Variants in MINK1 observed in about 807,000 individuals in gnomAD.
MINK1 encodes the protein misshapen like kinase 1.
MINK1 carries 46 observed loss-of-function variants against 178.4 expected under a neutral mutation model. The observed-to-expected ratio is 0.26, with a 90% CI of 0.20 to 0.33. The LOEUF is 0.33. Among genes scored for constraint, MINK1 ranks in the 10% least tolerant of loss-of-function variants. MINK1 has a pLI of 1.00. For synonymous variants in MINK1, 797 were observed against 709.7 expected, an observed-to-expected ratio of 1.12 and a Z score of -1.96; for missense variants, 1,366 against 1,814.9, an observed-to-expected ratio of 0.75 and a Z score of 4.49.
chr17:4,876,073 G>A (rs1967157947), intron 1 of MINK1, among the ~76,000 whole-genome samples: 1 of 152,034 alleles, frequency 6.6e-6, no homozygotes, highest in South Asian at 2.1e-4. Flanking sequence ...GGGATTACAG[G>A]CGTGAGCCAC....
intron 16 of MINK1, 89 bp downstream of exon 16, chr17:4,891,805 G>A: frequency 2.7e-6 from 4 of 1,470,882 alleles, no homozygotes; most frequent in Non-Finnish European, 3.6e-6. Flanking sequence ...CATGGAGGAA[G>A]AGTGCAGGGC....
intron 1 of MINK1, among the ~76,000 whole-genome samples, chr17:4,839,151 G>C (rs777861803): frequency 6.6e-6 from 1 of 152,146 alleles, no homozygotes; most frequent in Non-Finnish European, 1.5e-5. Flanking sequence ...CACCGTGTTA[G>C]CCAGGATGGT....
chr17:4,855,989 A>C (rs1913060554), intron 1 of MINK1, among the ~76,000 whole-genome samples: 1 of 151,482 alleles, frequency 6.6e-6, no homozygotes, highest in African/African-American at 2.4e-5. Context: ...AAAAAAAAAA[A>C]GTCCAGTTGA....
chr17:4,859,119 T>C (rs1476185333), intron 1 of MINK1: 1 of 985,420 alleles, frequency 1.0e-6, no homozygotes, highest in East Asian at 1.1e-4. Flanking sequence ...TGAATAATCA[T>C]TGCTGGGCTC....
At chr17:4,883,528 G>T (rs1246581030) in intron 4 of MINK1, among the ~76,000 whole-genome samples, 1 of 150,352 alleles carries the variant, frequency 6.7e-6, no homozygotes, top group Non-Finnish European at 1.5e-5. Context: ...TTTGTTTTGG[G>T]TTTTTTGTTT....
chr17:4,844,638 G>A (rs778899418), intron 1 of MINK1: 2 of 476,040 alleles, frequency 4.2e-6, no homozygotes, highest in South Asian at 3.1e-5. Context: ...AGAGCTCCAC[G>A]GGGCTCGTAC....
At position 4,836,566 on chromosome 17, in the gene MINK1, C is replaced by T. The variant is rs956301901; in HGVS notation, c.57+2926C>T. Among the ~76,000 whole-genome samples the T allele has an allele frequency of 3.9e-5, 6 of 152,188 alleles. No individual in the cohort carries two copies. The highest frequency in any genetic ancestry group is 1.4e-4 in the African/African-American group (6 of 41,450). The stretch of plus-strand genomic sequence containing the variant: ...TGCAGATTCTGCCAAGAGCCTTACC[C>T]TCTCTAAGCTTCATTCAGTCCTGTA... On this transcript the variant is annotated intron_variant, in intron 1 of 31. Transcript: ENST00000355280. This position sits in a 1 kb window ranked among gnomAD's most constrained non-coding sequence, Gnocchi z 4.3.
At position 4,891,533 on chromosome 17, in the gene MINK1, C is replaced by T. The variant is rs368924509; in HGVS notation, c.1818C>T (p.Pro606=). 2 of 1,611,112 alleles carry T rather than the reference C, an allele frequency of 1.2e-6. No individual in the cohort carries two copies. ...VPRSQSLQDQ[P]TRNLAAFPAS... ...GATCCCAGTCCCTGCAGGACCAGCCCACCCGAAACCTGGCTGCCTTCCCAG... is the reference window on the plus strand; with the variant it reads ...GATCCCAGTCCCTGCAGGACCAGCCTACCCGAAACCTGGCTGCCTTCCCAG... Residue 606 remains proline, a synonymous_variant, in exon 16 of 32, where the codon CCC becomes CCT. Transcript: ENST00000355280.
chr17:4,895,623 AGAG>A lies in MINK1; in HGVS notation c.3230-70_3230-68del, dbSNP rs1404398917. 1 of 1,576,348 alleles carries A rather than the reference AGAG, an allele frequency of 6.3e-7. No homozygotes were observed. Among genetic ancestry groups the A allele is most frequent in the Non-Finnish European group, 8.6e-7 (1 of 1,158,386 alleles). On this transcript the variant is annotated intron_variant, in intron 26 of 31. Coordinates refer to ENST00000355280, the MANE Select transcript of MINK1 (RefSeq NM_153827.5). The surrounding 1 kb of genome is among the most constrained non-coding windows in gnomAD (Gnocchi z 4.3). ...TTCTCACCCCTTGTGGTATGCTGAC[AGAG>A]GAGGCCAGGGCGGTGGCATTCGGGC...
chr17:4,891,577 C>A lies in MINK1; in HGVS notation c.1862C>A (p.Pro621His), dbSNP rs199654555. The A allele has an allele frequency of 6.2e-7, 1 of 1,606,286 alleles. No homozygotes were observed. Among genetic ancestry groups the A allele is most frequent in the Non-Finnish European group, 8.5e-7 (1 of 1,176,912 alleles). ...AAFPASHDPD[P>H]AIPAPTATPS... ...TTCCCAGCCTCCCATGACCCCGACC[C>A]TGCCATCCCCGCACCCACTGCCACG... The change falls in exon 16 of 32, where the codon CCT becomes CAT. Residue 621 changes from proline (P) to histidine (H), a missense_variant. Pro to His is a moderately conservative substitution (Grantham distance 77, BLOSUM62 -2). Coordinates refer to ENST00000355280, the MANE Select transcript of MINK1 (RefSeq NM_153827.5).
chr17:4,876,814 G>C (rs1217423768), intron 1 of MINK1, among the ~76,000 whole-genome samples: 1 of 152,080 alleles, frequency 6.6e-6, no homozygotes, highest in Non-Finnish European at 1.5e-5. Context: ...TGAGGCAGGC[G>C]TGGTGGCTCA....
chr17:4,834,040 C>T (rs975480945), intron 1 of MINK1, among the ~76,000 whole-genome samples: 3 of 152,134 alleles, frequency 2.0e-5, no homozygotes, highest in Admixed American at 6.6e-5. Flanking sequence ...CTTCCTTCCC[C>T]TCCTCTTCCT....
intron 1 of MINK1, among the ~76,000 whole-genome samples, chr17:4,871,399 C>A (rs1915845533): frequency 6.6e-6 from 1 of 151,772 alleles, no homozygotes; most frequent in African/African-American, 2.4e-5. Flanking sequence ...ATTATCTTGC[C>A]AAGGTTGGTC....
chr17:4,888,380 A>G lies in MINK1; in HGVS notation c.1230+590A>G, dbSNP rs908742704. 3.3e-5 allele frequency among the ~76,000 whole-genome samples: 5 copies of G among 152,274 alleles called. No individual in the cohort carries two copies. The South Asian group carries it at 6.2e-4, about 19-fold the overall frequency. ...CCAGGTGAGGTGGCTCACGCCTGTA[A>G]TCCCAGCACTTTGGGAGTCGGAGGA... On this transcript the variant is annotated intron_variant, in intron 12 of 31. Transcript: ENST00000355280.
At chr17:4,875,127 T>G (rs1290317532) in intron 1 of MINK1, 2 of 519,928 alleles carry the variant, frequency 3.8e-6, no homozygotes, top group Non-Finnish European at 7.7e-6. Context: ...ATGGATGAGT[T>G]CTTCTGTTGG....
chr17:4,838,410 G>T (rs1254508366), intron 1 of MINK1, among the ~76,000 whole-genome samples: 1 of 152,140 alleles, frequency 6.6e-6, no homozygotes, highest in Non-Finnish European at 1.5e-5. Flanking sequence ...AGAGCCAGCT[G>T]GCCCACCCCC....
rs202128229 is a variant in MINK1 at position 4,892,722 on chromosome 17, C to G, written c.2265C>G (p.His755Gln). ...ERSDSVLPAS[H>Q]GHLPQAGSLE... ...CGGACAGCGTCCTTCCAGCCTCTCA[C>G]GGGCACCTCCCCCAGGCTGGCTCAC... The change falls in exon 19 of 32, where the codon CAC (histidine) becomes CAG (glutamine). Residue 755 changes from histidine to glutamine, a missense_variant. His to Gln is a conservative substitution (Grantham distance 24, BLOSUM62 0). This residue lies in a region of MINK1 where 709 missense variants were observed against 692.3 expected (regional missense o/e 1.02). Coordinates refer to ENST00000355280, the MANE Select transcript of MINK1 (RefSeq NM_153827.5). 159 of 1,612,068 alleles carry G rather than the reference C, an allele frequency of 9.9e-5. No individual in the cohort carries two copies. The highest frequency in any genetic ancestry group is 1.3e-4 in the Non-Finnish European group (153 of 1,179,564).
intron 1 of MINK1, among the ~76,000 whole-genome samples, chr17:4,869,967 G>A (rs1915655132): frequency 6.7e-6 from 1 of 149,836 alleles, no homozygotes; most frequent in South Asian, 2.1e-4. Flanking sequence ...GAATGCAGTG[G>A]CGTGAACTCA....
chr17:4,865,433 C>CA (rs976982999), intron 1 of MINK1, among the ~76,000 whole-genome samples: 3 of 151,256 alleles, frequency 2.0e-5, no homozygotes, highest in Non-Finnish European at 4.4e-5. Context: ...GACACTGTCT[C>CA]AAAAAATAAA....
Sources: gnomAD v4.1 joint callset for allele counts (sites outside exome capture counted in the v4.1 genomes callset) on GRCh38, gnomAD v4.1.1 for gene constraint, gnomAD v4.1.1 regional missense constraint, Gnocchi (gnomAD v3.1) non-coding constraint, MANE v1.5 for transcripts, NCBI Gene and HGNC (gene_info 2026-07-23, HGNC 2026-07-21) for gene names.